Variants in NEK11 observed in about 807,000 individuals in gnomAD.
The protein encoded by NEK11 is serine/threonine-protein kinase Nek11.
In NEK11, 72 loss-of-function variants were observed where a neutral mutation model predicts 80.7. The ratio of observed to expected loss-of-function variants is 0.89; its 90% confidence interval spans 0.74 to 1.08. The LOEUF is 1.08. Ranked by LOEUF, NEK11 falls within the 50% of genes least tolerant of loss-of-function variation. The pLI, the probability that NEK11 is intolerant of heterozygous loss-of-function variation, is 0.00. For missense variants in NEK11, 764 were observed against 763.6 expected (o/e 1.00, Z -0.01); for synonymous variants, 251 against 260.7 (o/e 0.96, Z 0.36).
At chr3:131,059,586 G>A (rs1437741436) in intron 3 of NEK11, among the ~76,000 whole-genome samples, 1 of 152,180 alleles carries the variant, frequency 6.6e-6, no homozygotes, top group African/African-American at 2.4e-5. Flanking sequence ...GCCCTTTCAA[G>A]AAGCCAAATT....
chr3:131,242,272 G>T (rs983802086), intron 15 of NEK11, among the ~76,000 whole-genome samples: 2 of 152,132 alleles, frequency 1.3e-5, no homozygotes, highest in South Asian at 2.1e-4. Flanking sequence ...GGGGTTTGTG[G>T]CTATGGAGGA....
chr3:131,110,058 G>A, intron 5 of NEK11, 137 bp downstream of exon 5: 1 of 832,832 alleles, frequency 1.2e-6, no homozygotes, highest in Non-Finnish European at 1.8e-6. Context: ...TCTATAATAT[G>A]TTTTTCCTTG....
chr3:131,212,759 C>A (rs2094679683), intron 14 of NEK11, among the ~76,000 whole-genome samples: 1 of 152,194 alleles, frequency 6.6e-6, no homozygotes, highest in South Asian at 2.1e-4. Context: ...TATTCTCTGT[C>A]AGATTTCAAG....
intron 17 of NEK11, among the ~76,000 whole-genome samples, chr3:131,282,199 G>A (rs1352404391): frequency 2.0e-5 from 3 of 152,002 alleles, no homozygotes; most frequent in Admixed American, 2.0e-4. Flanking sequence ...ATATCTAGGA[G>A]GAATCACCTT....
At chr3:131,172,182 GCAT>G in intron 14 of NEK11, among the ~76,000 whole-genome samples, 1 of 152,300 alleles carries the variant, frequency 6.6e-6, no homozygotes, top group Non-Finnish European at 1.5e-5. Context: ...CCATCGGGAG[GCAT>G]CATAGCCTCT....
intron 3 of NEK11, among the ~76,000 whole-genome samples, chr3:131,052,396 A>G (rs550800976): frequency 1.3e-5 from 2 of 152,202 alleles, no homozygotes; most frequent in African/African-American, 2.4e-5. Context: ...TCTTGCATGA[A>G]TTTTTAAGAT....
At chr3:131,199,020 A>G (rs1469150512) in intron 14 of NEK11, among the ~76,000 whole-genome samples, 1 of 152,060 alleles carries the variant, frequency 6.6e-6, no homozygotes, top group African/African-American at 2.4e-5. Flanking sequence ...CCTTTGGATA[A>G]TTTTGCCCCT....
intron 17 of NEK11, among the ~76,000 whole-genome samples, chr3:131,345,608 A>G (rs544179459): frequency 2.6e-5 from 4 of 152,348 alleles, no homozygotes; most frequent in South Asian, 4.1e-4. Context: ...TACAGCCACT[A>G]TGGAAAACAA....
chr3:131,130,745 AC>A (rs1560552239), intron 5 of NEK11, among the ~76,000 whole-genome samples: 2 of 152,148 alleles, frequency 1.3e-5, no homozygotes, highest in African/African-American at 2.4e-5. Context: ...AGCCTTGCAT[AC>A]CTAGTATAAA....
chr3:131,199,728 A>G (rs2094157694), intron 14 of NEK11, among the ~76,000 whole-genome samples: 1 of 152,212 alleles, frequency 6.6e-6, no homozygotes, highest in Non-Finnish European at 1.5e-5. Context: ...CTGATAATGT[A>G]GGCTGGGTAA....
chr3:131,185,156 A>G (rs1328878657), intron 14 of NEK11, among the ~76,000 whole-genome samples: 2 of 152,132 alleles, frequency 1.3e-5, no homozygotes, highest in Admixed American at 6.6e-5. Context: ...TTGAATCACT[A>G]TTTTTTAATA....
intron 5 of NEK11, among the ~76,000 whole-genome samples, chr3:131,120,741 C>G (rs371391846): frequency 2.6e-5 from 4 of 152,186 alleles, no homozygotes; most frequent in Non-Finnish European, 2.9e-5. Flanking sequence ...TCTTCAATTA[C>G]TGGTACCCTT....
At chr3:131,029,412 A>T (rs552766421) in intron 2 of NEK11, among the ~76,000 whole-genome samples, 2 of 152,254 alleles carry the variant, frequency 1.3e-5, no homozygotes, top group African/African-American at 4.8e-5. Context: ...CCAAATTTCA[A>T]TGTACAAAGG....
At chr3:131,077,617 C>T (rs1043169297) in intron 3 of NEK11, among the ~76,000 whole-genome samples, 4 of 152,178 alleles carry the variant, frequency 2.6e-5, no homozygotes, top group Non-Finnish European at 4.4e-5. Flanking sequence ...TATTCCTTCA[C>T]AGCAAGAGAA....
At chr3:131,248,116 C>T (rs2095636485) in intron 16 of NEK11, among the ~76,000 whole-genome samples, 1 of 151,998 alleles carries the variant, frequency 6.6e-6, no homozygotes, top group Admixed American at 6.6e-5. Context: ...CTGGGTAGGA[C>T]TCCTAGTACT....
intron 10 of NEK11, 122 bp from the exon 11 acceptor site, chr3:131,162,286 C>A: frequency 8.2e-7 from 1 of 1,226,378 alleles, no homozygotes; most frequent in Non-Finnish European, 1.1e-6. Flanking sequence ...TTAGTTTTTG[C>A]CTGGCCTGTC....
intron 3 of NEK11, 65 bp from the exon 4 acceptor site, chr3:131,080,358 C>A: frequency 8.1e-7 from 1 of 1,230,162 alleles, no homozygotes; most frequent in Non-Finnish European, 1.1e-6. Flanking sequence ...CTCTGTACCA[C>A]TTGATGATAT....
chr3:131,309,136 C>T (rs961781002), intron 17 of NEK11, among the ~76,000 whole-genome samples: 1 of 152,186 alleles, frequency 6.6e-6, no homozygotes. Flanking sequence ...CCTGCTCGAA[C>T]GCACTAGGTG....
At position 131,218,412 on chromosome 3, in the gene NEK11, A is replaced by G. The variant is rs2094912567; in HGVS notation, c.1400-10116A>G. 3.3e-5 allele frequency among the ~76,000 whole-genome samples: 5 copies of G among 152,286 alleles called. No individual in the cohort carries two copies. In the South Asian group the frequency reaches 1.0e-3, roughly 32 times the overall value. On this transcript the variant is annotated intron_variant, in intron 14 of 17. Transcript: ENST00000383366. ...TGAGTAACACCACAAAGATGGTTTT[A>G]CCTTAAGTCACTCAGTCATTGGCCA...
Sources: gnomAD v4.1 joint callset for allele counts (sites outside exome capture counted in the v4.1 genomes callset) on GRCh38, gnomAD v4.1.1 for gene constraint, MANE v1.5 for transcripts, NCBI Gene and HGNC (gene_info 2026-07-23, HGNC 2026-07-21) for gene names.